The following BORCS5 variants were observed in gnomAD, a reference collection of about 807,000 sequenced individuals.
BORCS5 encodes the protein BLOC-1 related complex subunit 5, also known as BLOC-1-related complex subunit 5.
Under a neutral mutation model 22.1 loss-of-function variants are expected in BORCS5, and 17 were observed. The observed-to-expected ratio is 0.77, with a 90% CI of 0.53 to 1.15. The LOEUF (loss-of-function observed/expected upper bound fraction) is 1.15, where lower values mean the gene tolerates loss of function less well. Ranked by LOEUF, BORCS5 falls within the 50% of genes most tolerant of loss-of-function variation. The probability of loss-of-function intolerance (pLI) is 0.00; values close to 1 mark genes in which losing one functional copy is unlikely to be tolerated. For missense variants in BORCS5, 247 were observed against 253.2 expected (o/e 0.98, Z 0.17); for synonymous variants, 117 against 99.8 (o/e 1.17, Z -1.03).
chr12:12,449,384 T>C (rs1336590790), intron 3 of BORCS5, among the ~76,000 whole-genome samples: 1 of 152,216 alleles, frequency 6.6e-6, no homozygotes, highest in Non-Finnish European at 1.5e-5. Context: ...TTATTTTTAC[T>C]TGTGATGTTT....
At chr12:12,418,343 CT>C (rs1426880957) in intron 2 of BORCS5, among the ~76,000 whole-genome samples, 2 of 151,850 alleles carry the variant, frequency 1.3e-5, no homozygotes, top group Admixed American at 1.3e-4. Context: ...CGGCCTGAAC[CT>C]TTTATTAATA....
chr12:12,435,762 G>T lies in BORCS5; in HGVS notation c.337G>T (p.Ala113Ser). ...CAEAVAFDQN[A>S]LVKRIKEMDL... The stretch of plus-strand genomic sequence containing the variant: ...AGAGGCCGTTGCTTTTGACCAGAAT[G>T]CTTTGGTTAAACGAATCAAAGAGGT... The change falls in exon 3 of 4, where the codon GCT becomes TCT. Residue 113 changes from alanine to serine, a missense_variant. Transcript: ENST00000314565. The T allele has an allele frequency of 6.2e-7, 1 of 1,613,508 alleles. No homozygotes were observed. Among genetic ancestry groups the T allele is most frequent in the Non-Finnish European group, 8.5e-7 (1 of 1,179,830 alleles).
intron 2 of BORCS5, among the ~76,000 whole-genome samples, chr12:12,384,572 C>G (rs186449581): frequency 8.6e-5 from 13 of 150,632 alleles, no homozygotes; most frequent in Middle Eastern, 3.4e-3. Context: ...GATTCTGATC[C>G]TCCCAAATTG....
intron 2 of BORCS5, among the ~76,000 whole-genome samples, chr12:12,410,491 C>T (rs1941705417): frequency 6.6e-6 from 1 of 152,088 alleles, no homozygotes; most frequent in Admixed American, 6.5e-5. Context: ...GGAATCCTTT[C>T]CCCATTGCTT....
At chr12:12,426,189 G>T (rs1289781898) in intron 2 of BORCS5, among the ~76,000 whole-genome samples, 1 of 152,132 alleles carries the variant, frequency 6.6e-6, no homozygotes, top group Non-Finnish European at 1.5e-5. Flanking sequence ...TTCAAACAGA[G>T]AGCAAGCCTG....
At position 12,469,173 on chromosome 12, in the gene BORCS5, T is replaced by G. The variant is rs969712233; in HGVS notation, c.*3397T>G. ...TTCCAGACCAGCCTGACCAACATGGTGAAACCCCATCTCTACTAAAAAAAA... is the reference window on the plus strand; with the variant it reads ...TTCCAGACCAGCCTGACCAACATGGGGAAACCCCATCTCTACTAAAAAAAA... On this transcript the variant is annotated 3_prime_UTR_variant, in exon 4 of 4. Coordinates refer to ENST00000314565, the MANE Select transcript of BORCS5 (RefSeq NM_058169.6). The G allele has an allele frequency of 6.6e-6, 1 of 152,078 alleles. No homozygotes were observed. Among genetic ancestry groups the G allele is most frequent in the African/African-American group, 2.4e-5 (1 of 41,370 alleles). 9.4% of individuals were successfully genotyped at this position (152,078 alleles called of 1,614,324 possible). A position where few individuals can be genotyped will look rare whatever the true frequency, so the allele number is the denominator to read the frequency against.
intron 2 of BORCS5, among the ~76,000 whole-genome samples, chr12:12,372,065 G>T (rs1260122922): frequency 6.6e-6 from 1 of 151,618 alleles, no homozygotes; most frequent in Non-Finnish European, 1.5e-5. Flanking sequence ...TTAAGAGGGA[G>T]TTTCGCCCTT....
At chr12:12,445,779 G>A (rs984965873) in intron 3 of BORCS5, among the ~76,000 whole-genome samples, 3 of 149,792 alleles carry the variant, frequency 2.0e-5, no homozygotes, top group African/African-American at 7.4e-5. Flanking sequence ...GATTACAGGT[G>A]CGTGACACTA....
At position 12,469,979 on chromosome 12, in the gene BORCS5, C is replaced by T. The variant is rs1943264778; in HGVS notation, c.*4203C>T. 6.6e-6 allele frequency among the ~76,000 whole-genome samples: 1 copy of T among 152,130 alleles called. No individual in the cohort carries two copies. The highest frequency in any genetic ancestry group is 1.5e-5 in the Non-Finnish European group (1 of 68,030). Reference sequence around the variant, plus strand: ...CCATAAATCAGGGGTCTCCAAACCCCAGGCCACAGACTGGTACCCATCTGT... The same window carrying T: ...CCATAAATCAGGGGTCTCCAAACCCTAGGCCACAGACTGGTACCCATCTGT... On this transcript the variant is annotated 3_prime_UTR_variant, in exon 4 of 4. Transcript: ENST00000314565.
At chr12:12,463,814 G>A (rs543883362) in intron 3 of BORCS5, among the ~76,000 whole-genome samples, 1 of 152,310 alleles carries the variant, frequency 6.6e-6, no homozygotes, top group South Asian at 2.1e-4. Context: ...GTGTGAATCG[G>A]GGATGGATTG....
Position 12,378,084 on chromosome 12 carries a change from A to T in BORCS5, c.202+16735A>T, listed in dbSNP as rs560500946. On this transcript the variant is annotated intron_variant, in intron 2 of 3. Transcript: ENST00000314565. ...TTAAAATACTTCTGTTTTAAAGTCT[A>T]TTATAGGCCGGGCACGGTGGCTCAC... Among the ~76,000 whole-genome samples, 18 of 152,332 alleles carry T rather than the reference A, an allele frequency of 1.2e-4. 1 individual carries two copies. The highest frequency in any genetic ancestry group is 4.3e-4 in the African/African-American group (18 of 41,582).
chr12:12,460,878 A>G (rs550483557), intron 3 of BORCS5, among the ~76,000 whole-genome samples: 3 of 152,218 alleles, frequency 2.0e-5, no homozygotes, highest in East Asian at 1.9e-4. Context: ...TCTGGATTTT[A>G]TTTGTTAATA....
intron 3 of BORCS5, among the ~76,000 whole-genome samples, chr12:12,438,374 A>AAAAAAAAAAC (rs1555156024): frequency 8.0e-6 from 1 of 125,046 alleles, no homozygotes; most frequent in African/African-American, 3.8e-5. Flanking sequence ...AAAAAAAAAA[A>AAAAAAAAAAC]AAAAAACGAA....
rs928183722 is a variant in BORCS5 at position 12,470,457 on chromosome 12, C to T, written c.*4681C>T. ...CAGAACAGACCCAGCATTAGACTCCCCTAAGAGCGTGAACCCTATTGTGAA... is the reference window on the plus strand; with the variant it reads ...CAGAACAGACCCAGCATTAGACTCCTCTAAGAGCGTGAACCCTATTGTGAA... On this transcript the variant is annotated 3_prime_UTR_variant, in exon 4 of 4. Coordinates refer to ENST00000314565, the MANE Select transcript of BORCS5 (RefSeq NM_058169.6). Among the ~76,000 whole-genome samples the T allele has an allele frequency of 6.6e-5, 10 of 152,138 alleles. No individual in the cohort carries two copies. The highest frequency in any genetic ancestry group is 1.3e-4 in the Admixed American group (2 of 15,268).
chr12:12,431,444 G>T (rs1311143267), intron 2 of BORCS5, among the ~76,000 whole-genome samples: 1 of 136,506 alleles, frequency 7.3e-6, no homozygotes, highest in Non-Finnish European at 1.5e-5. Context: ...TGCTCTGTCG[G>T]CAGGCTGGAG....
chr12:12,443,768 C>T (rs1942730439), intron 3 of BORCS5, among the ~76,000 whole-genome samples: 1 of 152,180 alleles, frequency 6.6e-6, no homozygotes, highest in Admixed American at 6.5e-5. Flanking sequence ...GCCCCATTTC[C>T]CCCCAGTTTG....
Position 12,469,418 on chromosome 12 carries a change from G to C in BORCS5, c.*3642G>C. 6.6e-6 allele frequency: 1 copy of C among 152,234 alleles called. No individual in the cohort carries two copies. Among genetic ancestry groups the C allele is most frequent in the East Asian group, 1.9e-4 (1 of 5,202 alleles). 9.4% of individuals were successfully genotyped at this position (152,234 alleles called of 1,614,324 possible). A position where few individuals can be genotyped will look rare whatever the true frequency, so the allele number is the denominator to read the frequency against. On this transcript the variant is annotated 3_prime_UTR_variant, in exon 4 of 4. Transcript: ENST00000314565. ...TAAAAAAGTTTGATTTTATGTATGT[G>C]TGCGTCTGTATATATGTTTCTGTAT...
chr12:12,379,180 G>C (rs1863722480), intron 2 of BORCS5, among the ~76,000 whole-genome samples: 1 of 149,834 alleles, frequency 6.7e-6, no homozygotes, highest in Non-Finnish European at 1.5e-5. Flanking sequence ...GAGTGCAATG[G>C]AGCGATCTTG....
chr12:12,365,855 A>G (rs568674876), intron 2 of BORCS5, among the ~76,000 whole-genome samples: 79 of 152,226 alleles, frequency 5.2e-4, no homozygotes, highest in Non-Finnish European at 8.8e-4. Flanking sequence ...AGCACATTTT[A>G]AGATTGCATC....
Sources: gnomAD v4.1 joint callset for allele counts (sites outside exome capture counted in the v4.1 genomes callset) on GRCh38, gnomAD v4.1.1 for gene constraint, MANE v1.5 for transcripts, NCBI Gene and HGNC (gene_info 2026-07-23, HGNC 2026-07-21) for gene names.